ANTXR2: variants seen among roughly 807,000 people sequenced by gnomAD.
The protein encoded by ANTXR2 is anthrax toxin receptor 2.
A neutral mutation model predicts 73.7 loss-of-function variants in ANTXR2; 44 were observed. The ratio of observed to expected loss-of-function variants is 0.60; its 90% confidence interval spans 0.47 to 0.77. ANTXR2 has a LOEUF of 0.77. Ranked by LOEUF, ANTXR2 falls within the 30% of genes least tolerant of loss-of-function variation. ANTXR2 has a pLI of 0.00. For synonymous variants in ANTXR2, 217 were observed against 205.9 expected (o/e 1.05, Z -0.46); for missense variants, 604 against 592.5 (o/e 1.02, Z -0.20).
At chr4:79,960,381 G>C (rs1379964832) in intron 16 of ANTXR2, among the ~76,000 whole-genome samples, 1 of 152,092 alleles carries the variant, frequency 6.6e-6, no homozygotes, top group Non-Finnish European at 1.5e-5. Context: ...GGAACCTAAA[G>C]TATCTTTCTG....
intron 16 of ANTXR2, among the ~76,000 whole-genome samples, chr4:79,928,187 C>T (rs1311181194): frequency 3.3e-5 from 5 of 152,098 alleles, no homozygotes; most frequent in Admixed American, 6.6e-5. Flanking sequence ...GAAAAAGAAA[C>T]GAAATTTAGA....
intron 7 of ANTXR2, among the ~76,000 whole-genome samples, chr4:80,046,850 A>G (rs1439971647): frequency 6.6e-6 from 1 of 151,784 alleles, no homozygotes; most frequent in Non-Finnish European, 1.5e-5. Context: ...ATGCTTCTGA[A>G]TCAACTGAGA....
At chr4:79,926,397 G>A (rs1313454584) in intron 16 of ANTXR2, among the ~76,000 whole-genome samples, 1 of 152,056 alleles carries the variant, frequency 6.6e-6, no homozygotes, top group African/African-American at 2.4e-5. Context: ...ACAAACTACA[G>A]ATCAAAGTTT....
chr4:80,050,708 A>G (rs1733734386), intron 7 of ANTXR2, among the ~76,000 whole-genome samples: 1 of 151,486 alleles, frequency 6.6e-6, no homozygotes, highest in Non-Finnish European at 1.5e-5. Context: ...CCTATTCCCA[A>G]CTGCATTTTG....
chr4:79,928,175 C>T (rs945120335), intron 16 of ANTXR2, among the ~76,000 whole-genome samples: 1 of 152,114 alleles, frequency 6.6e-6, no homozygotes, highest in Admixed American at 6.6e-5. Context: ...ATTATTCAGT[C>T]TGAAAAAGAA....
intron 7 of ANTXR2, among the ~76,000 whole-genome samples, chr4:80,047,629 G>A (rs1237750688): frequency 6.6e-6 from 1 of 151,658 alleles, no homozygotes; most frequent in Non-Finnish European, 1.5e-5. Context: ...ATCAATTAGA[G>A]TTCTTATCTG....
At chr4:79,950,436 T>C (rs1183263444) in intron 16 of ANTXR2, among the ~76,000 whole-genome samples, 1 of 152,178 alleles carries the variant, frequency 6.6e-6, no homozygotes, top group Non-Finnish European at 1.5e-5. Flanking sequence ...AAAGAAGCTA[T>C]GAAAATAGCT....
intron 12 of ANTXR2, among the ~76,000 whole-genome samples, chr4:80,001,102 A>C (rs186475817): frequency 6.6e-6 from 1 of 152,088 alleles, no homozygotes; most frequent in African/African-American, 2.4e-5. Flanking sequence ...TCAAAGTTAC[A>C]AAACAGAGGG....
intron 16 of ANTXR2, among the ~76,000 whole-genome samples, chr4:79,927,931 C>G (rs1727885759): frequency 6.6e-6 from 1 of 152,088 alleles, no homozygotes; most frequent in Non-Finnish European, 1.5e-5. Flanking sequence ...AATGGTGTAG[C>G]CATTGTGGAA....
Position 80,072,585 on chromosome 4 carries a change from C to G in ANTXR2, c.-25G>C. On this transcript the variant is annotated 5_prime_UTR_variant, in exon 1 of 17. Transcript: ENST00000403729. ...TCCTGCGGCCGGGGGCCTGAGACTCCCTCCCGCTCGCAGTCCCCTAAGCTC... is the reference window on the plus strand; with the variant it reads ...TCCTGCGGCCGGGGGCCTGAGACTCGCTCCCGCTCGCAGTCCCCTAAGCTC... 1 of 1,493,302 alleles carries G rather than the reference C, an allele frequency of 6.7e-7. No individual in the cohort carries two copies. Among genetic ancestry groups the G allele is most frequent in the Non-Finnish European group, 8.9e-7 (1 of 1,123,198 alleles). The allele number at this position is 1,493,302 out of a possible 1,614,324, so 92.5% of individuals were successfully genotyped here. A position where few individuals can be genotyped will look rare whatever the true frequency, so the allele number is the denominator to read the frequency against.
intron 7 of ANTXR2, 140 bp from the exon 8 acceptor site, chr4:80,036,172 T>C: frequency 1.5e-6 from 1 of 681,596 alleles, no homozygotes; most frequent in Non-Finnish European, 2.4e-6. Context: ...CTATAGCGTG[T>C]ACAGCTACCA....
At chr4:79,945,249 T>C (rs1238343865) in intron 16 of ANTXR2, among the ~76,000 whole-genome samples, 1 of 152,050 alleles carries the variant, frequency 6.6e-6, no homozygotes, top group Non-Finnish European at 1.5e-5. Flanking sequence ...TGGAAATCTC[T>C]TTTTTAGGAA....
intron 13 of ANTXR2, among the ~76,000 whole-genome samples, chr4:79,984,416 C>T (rs545863353): frequency 1.3e-5 from 2 of 152,140 alleles, no homozygotes; most frequent in Non-Finnish European, 2.9e-5. Flanking sequence ...CAGCACATTC[C>T]TTATTTCATG....
intron 16 of ANTXR2, among the ~76,000 whole-genome samples, chr4:79,965,576 C>G (rs1270414119): frequency 1.3e-5 from 2 of 152,092 alleles, no homozygotes; most frequent in African/African-American, 4.8e-5. Context: ...TTCATAAGAA[C>G]CATAATCAAA....
At chr4:79,949,956 G>T (rs1313768970) in intron 16 of ANTXR2, among the ~76,000 whole-genome samples, 3 of 151,988 alleles carry the variant, frequency 2.0e-5, no homozygotes, top group Non-Finnish European at 4.4e-5. Context: ...TATAACTGAT[G>T]ATTATATTTG....
intron 16 of ANTXR2, among the ~76,000 whole-genome samples, chr4:79,963,735 A>G (rs775277068): frequency 7.9e-5 from 12 of 152,168 alleles, no homozygotes; most frequent in Non-Finnish European, 1.6e-4. Context: ...GCTCTTTCTT[A>G]TCAGGATAAT....
chr4:80,018,827 C>A, intron 11 of ANTXR2, 71 bp downstream of exon 11: 3 of 1,212,412 alleles, frequency 2.5e-6, no homozygotes, highest in Non-Finnish European at 3.4e-6. Context: ...TGCAACAACA[C>A]CAAAGATCCA....
intron 3 of ANTXR2, among the ~76,000 whole-genome samples, chr4:80,061,092 A>G (rs910546830): frequency 6.6e-5 from 10 of 152,146 alleles, no homozygotes; most frequent in African/African-American, 2.4e-4. Flanking sequence ...GTGGTCTCAG[A>G]GTAGTCAAAG....
chr4:80,027,623 A>G (rs1732503634), intron 10 of ANTXR2, among the ~76,000 whole-genome samples: 1 of 152,190 alleles, frequency 6.6e-6, no homozygotes, highest in South Asian at 2.1e-4. Flanking sequence ...TTGAAAGCAC[A>G]TTTAACTATA....
Sources: gnomAD v4.1 joint callset for allele counts (sites outside exome capture counted in the v4.1 genomes callset) on GRCh38, gnomAD v4.1.1 for gene constraint, MANE v1.5 for transcripts, NCBI Gene and HGNC (gene_info 2026-07-23, HGNC 2026-07-21) for gene names.